PRKN: variants seen among roughly 807,000 people sequenced by gnomAD.
PRKN encodes the protein parkin RBR E3 ubiquitin protein ligase.
A neutral mutation model predicts 59.5 loss-of-function variants in PRKN; 56 were observed. That is an observed-to-expected ratio of 0.94 (90% CI 0.76 to 1.18). The LOEUF (loss-of-function observed/expected upper bound fraction) is 1.18, where lower values mean the gene tolerates loss of function less well. Among genes scored for constraint, PRKN ranks in the 50% most tolerant of loss-of-function variants. PRKN has a pLI of 0.00. For missense variants in PRKN, 657 were observed against 596.4 expected, an observed-to-expected ratio of 1.10 and a Z score of -1.06; for synonymous variants, 250 against 222.1, an observed-to-expected ratio of 1.13 and a Z score of -1.12.
chr6:162,511,945 A>G (rs909860952), intron 1 of PRKN, among the ~76,000 whole-genome samples: 2 of 152,096 alleles, frequency 1.3e-5, no homozygotes, highest in African/African-American at 4.8e-5. Flanking sequence ...AGCTAATACA[A>G]CTCACATGGA....
intron 4 of PRKN, among the ~76,000 whole-genome samples, chr6:162,157,896 A>C (rs1484541198): frequency 6.6e-6 from 1 of 151,992 alleles, no homozygotes; most frequent in Non-Finnish European, 1.5e-5. Context: ...TTCCATAATA[A>C]TAATACTTTC....
At chr6:161,443,313 A>AC (rs1287333367) in intron 9 of PRKN, among the ~76,000 whole-genome samples, 1 of 147,892 alleles carries the variant, frequency 6.8e-6, no homozygotes, top group Non-Finnish European at 1.5e-5. Context: ...CCGTCTCAAA[A>AC]AAAAAAAAAA....
rs117646144 is a variant in PRKN at position 161,359,500 on chromosome 6, C to T, written c.1285+588G>A. Among the ~76,000 whole-genome samples, 901 of 152,310 alleles carry T rather than the reference C, an allele frequency of 5.9e-3. 4 individuals are homozygous for T. The highest frequency in any genetic ancestry group is 8.4e-3 in the Non-Finnish European group (571 of 68,018). ...GGTGCCGCTGACTCTGCCTTGCACACGTACAAGTGCATCACATTGAGAAAG... is the reference window on the plus strand; with the variant it reads ...GGTGCCGCTGACTCTGCCTTGCACATGTACAAGTGCATCACATTGAGAAAG... On this transcript the variant is annotated intron_variant, in intron 11 of 11. Transcript: ENST00000366898. The surrounding 1 kb of genome is among the most constrained non-coding windows in gnomAD (Gnocchi z 5.4).
intron 1 of PRKN, among the ~76,000 whole-genome samples, chr6:162,591,317 C>T (rs142208099): frequency 2.4e-4 from 37 of 151,936 alleles, no homozygotes; most frequent in African/African-American, 8.9e-4. Context: ...TCGTGTTCTG[C>T]TTTGCTAAGT....
chr6:162,404,180 A>G (rs547808810), intron 2 of PRKN, among the ~76,000 whole-genome samples: 83 of 151,494 alleles, frequency 5.5e-4, no homozygotes, highest in African/African-American at 1.9e-3. Flanking sequence ...GACCAGCCTG[A>G]CCAACCTGGT....
At chr6:162,411,443 A>G (rs1788350485) in intron 2 of PRKN, among the ~76,000 whole-genome samples, 1 of 152,210 alleles carries the variant, frequency 6.6e-6, no homozygotes. Flanking sequence ...ATCATGTAAC[A>G]GATGTTAGGT....
At chr6:162,288,660 AC>A (rs1009101778) in intron 2 of PRKN, among the ~76,000 whole-genome samples, 1 of 151,910 alleles carries the variant, frequency 6.6e-6, no homozygotes, top group African/African-American at 2.4e-5. Context: ...GCCCCCACCA[AC>A]CCCTTATTGT....
chr6:161,619,340 T>C (rs1462015046), intron 7 of PRKN, among the ~76,000 whole-genome samples: 1 of 129,034 alleles, frequency 7.7e-6, no homozygotes, highest in Non-Finnish European at 1.6e-5. Context: ...TTTTTTTTTT[T>C]CTTCTCCTTA....
intron 1 of PRKN, among the ~76,000 whole-genome samples, chr6:162,694,236 CAAA>C (rs149337714): frequency 2.8e-4 from 26 of 93,514 alleles, no homozygotes; most frequent in Admixed American, 1.7e-3. Flanking sequence ...AACAGTGAGA[CAAA>C]AAAAAAAAAA....
intron 2 of PRKN, among the ~76,000 whole-genome samples, chr6:162,352,502 G>C (rs947762349): frequency 6.6e-6 from 1 of 152,120 alleles, no homozygotes; most frequent in Non-Finnish European, 1.5e-5. Flanking sequence ...AATCTGGTCA[G>C]GTCAGTGTGA....
chr6:162,606,720 GTTAT>G (rs1284822863), intron 1 of PRKN, among the ~76,000 whole-genome samples: 3 of 151,982 alleles, frequency 2.0e-5, no homozygotes, highest in Non-Finnish European at 4.4e-5. Flanking sequence ...GAGCAGTATA[GTTAT>G]TTATTATTTT....
At chr6:162,691,225 G>A (rs1777762439) in intron 1 of PRKN, among the ~76,000 whole-genome samples, 1 of 151,816 alleles carries the variant, frequency 6.6e-6, no homozygotes, top group Non-Finnish European at 1.5e-5. Context: ...TAAAGCAAAA[G>A]CATTTCAATT....
intron 2 of PRKN, among the ~76,000 whole-genome samples, chr6:162,365,032 C>G (rs1785360011): frequency 7.1e-6 from 1 of 140,598 alleles, no homozygotes; most frequent in African/African-American, 2.6e-5. Flanking sequence ...TGGCTAAAAA[C>G]TGTTCCAATT....
chr6:162,329,741 C>T (rs1022752525), intron 2 of PRKN, among the ~76,000 whole-genome samples: 51 of 151,884 alleles, frequency 3.4e-4, no homozygotes, highest in Non-Finnish European at 1.3e-4. Context: ...TAAAAAAACT[C>T]AATAATTTTG....
intron 1 of PRKN, among the ~76,000 whole-genome samples, chr6:162,561,585 A>G (rs972968628): frequency 5.9e-5 from 9 of 152,294 alleles, no homozygotes; most frequent in Non-Finnish European, 1.2e-4. Context: ...CAAAAACAAA[A>G]AAAACCCGTC....
At chr6:162,712,386 G>A (rs73599982) in intron 1 of PRKN, among the ~76,000 whole-genome samples, 2,726 of 152,262 alleles carry the variant, frequency 0.018, 87 homozygotes, top group African/African-American at 0.062. Flanking sequence ...CATAGGTACT[G>A]CTTGCTATAA....
chr6:161,944,805 A>G (rs1779720285), intron 6 of PRKN, among the ~76,000 whole-genome samples: 1 of 152,258 alleles, frequency 6.6e-6, no homozygotes, highest in African/African-American at 2.4e-5. Context: ...AGAAGAAAAC[A>G]GCCCTTTTTC....
At chr6:162,640,255 G>A (rs879546822) in intron 1 of PRKN, among the ~76,000 whole-genome samples, 1 of 152,062 alleles carries the variant, frequency 6.6e-6, no homozygotes, top group Non-Finnish European at 1.5e-5. Flanking sequence ...TTTCACAGCT[G>A]ATTAAATGAG....
chr6:161,830,989 G>T (rs1792474769), intron 6 of PRKN, among the ~76,000 whole-genome samples: 1 of 152,098 alleles, frequency 6.6e-6, no homozygotes, highest in Non-Finnish European at 1.5e-5. Context: ...ACACAGGCTG[G>T]CCAAGCTCCA....
Sources: allele counts gnomAD v4.1 joint callset (sites outside exome capture counted in the v4.1 genomes callset), GRCh38; gene constraint gnomAD v4.1.1; non-coding constraint Gnocchi (gnomAD v3.1); transcripts MANE v1.5; gene names NCBI Gene and HGNC (gene_info 2026-07-23, HGNC 2026-07-21).